CD300LF: variants seen among roughly 807,000 people sequenced by gnomAD.
The protein encoded by CD300LF is CMRF35-like molecule 1.
Under a neutral mutation model 32.2 loss-of-function variants are expected in CD300LF, and 27 were observed. The observed-to-expected ratio is 0.84, with a 90% CI of 0.62 to 1.15. The LOEUF (loss-of-function observed/expected upper bound fraction) is 1.15. Among genes scored for constraint, CD300LF ranks in the 50% most tolerant of loss-of-function variants. The pLI is 0.00. For synonymous variants in CD300LF, 139 were observed against 143.2 expected (o/e 0.97, Z 0.21); for missense variants, 348 against 356.8 (o/e 0.98, Z 0.20).
intron 4 of CD300LF, among the ~76,000 whole-genome samples, chr17:74,697,158 G>A (rs2032563584): frequency 6.6e-6 from 1 of 152,130 alleles, no homozygotes; most frequent in Non-Finnish European, 1.5e-5. Flanking sequence ...TGGCCAGGCT[G>A]GTCTCGAACT....
chr17:74,709,828 C>T (rs2033819425), intron 1 of CD300LF, among the ~76,000 whole-genome samples: 1 of 152,152 alleles, frequency 6.6e-6, no homozygotes, highest in Admixed American at 6.6e-5. Flanking sequence ...CTGCCTTAGC[C>T]TCACAAAGTG....
At chr17:74,705,741 C>T (rs2033452571) in intron 1 of CD300LF, among the ~76,000 whole-genome samples, 1 of 152,070 alleles carries the variant, frequency 6.6e-6, no homozygotes, top group African/African-American at 2.4e-5. Context: ...ACTACAGGCA[C>T]ATGCCTCCAC....
At chr17:74,708,787 G>A (rs931381130) in intron 1 of CD300LF, among the ~76,000 whole-genome samples, 12 of 151,938 alleles carry the variant, frequency 7.9e-5, no homozygotes, top group Admixed American at 3.3e-4. Flanking sequence ...GTGGTGGCGG[G>A]CGCCTGTAGT....
At chr17:74,706,107 A>C (rs2033484005) in intron 1 of CD300LF, among the ~76,000 whole-genome samples, 1 of 152,132 alleles carries the variant, frequency 6.6e-6, no homozygotes, top group Non-Finnish European at 1.5e-5. Flanking sequence ...AGAACAAAAC[A>C]GAGGAGGGAA....
At chr17:74,696,061 C>T in intron 5 of CD300LF, 134 bp downstream of exon 5, 10 of 1,313,154 alleles carry the variant, frequency 7.6e-6, no homozygotes, top group Non-Finnish European at 1.1e-5. Context: ...CCCCCAGGCC[C>T]TGCAGGGTGC....
chr17:74,708,460 G>A (rs1416143573), intron 1 of CD300LF, among the ~76,000 whole-genome samples: 4 of 152,124 alleles, frequency 2.6e-5, no homozygotes, highest in Admixed American at 2.6e-4. Flanking sequence ...CCTGACAAGG[G>A]CAAAGCAAGA....
In CD300LF at chr17:74,696,448, C is replaced by A. The variant is rs564071141; in HGVS notation, c.560-231G>T. 2.6e-5 allele frequency among the ~76,000 whole-genome samples: 4 copies of A among 152,336 alleles called. No individual in the cohort carries two copies. The South Asian group carries it at 6.2e-4, about 24-fold the overall frequency. On this transcript the variant is annotated intron_variant, in intron 4 of 6. Transcript: ENST00000326165. ...AGGAAAAGAGGGACACCCCAGCCCC[C>A]TGCTCCCCACATCATAGAACTGTGC...
Position 74,695,744 on chromosome 17 carries a change from T to C in CD300LF, c.698A>G (p.Glu233Gly), listed in dbSNP as rs1280679227. Residue 233 changes from glutamate (E) to glycine (G), a missense_variant, in exon 6 of 7, where the codon GAA becomes GGA. Glu to Gly is a moderately conservative substitution (Grantham distance 98). Coordinates refer to ENST00000326165, the MANE Select transcript of CD300LF (RefSeq NM_139018.5). ...ACGCACCATGGTGACATATTCCACTTCCACCTGGTCAACCTGGGCAGAGGA... is the reference window on the plus strand; with the variant it reads ...ACGCACCATGGTGACATATTCCACTCCCACCTGGTCAACCTGGGCAGAGGA... ...KLSSAQVDQV[E>G]VEYVTMASLP... 1 of 1,614,116 alleles carries C rather than the reference T, an allele frequency of 6.2e-7. No individual in the cohort carries two copies. The highest frequency in any genetic ancestry group is 1.3e-5 in the African/African-American group (1 of 75,038).
chr17:74,706,583 G>A (rs57312213), intron 1 of CD300LF, among the ~76,000 whole-genome samples: 276 of 152,194 alleles, frequency 1.8e-3, no homozygotes, highest in African/African-American at 6.0e-3. Flanking sequence ...CAAGAGAATC[G>A]CTTGAACCCG....
intron 1 of CD300LF, among the ~76,000 whole-genome samples, chr17:74,711,097 T>A (rs2033928619): frequency 6.6e-6 from 1 of 152,120 alleles, no homozygotes; most frequent in African/African-American, 2.4e-5. Context: ...GGGTATTTTT[T>A]TTCTTGGGTG....
At chr17:74,705,742 A>G (rs2033452788) in intron 1 of CD300LF, among the ~76,000 whole-genome samples, 1 of 152,054 alleles carries the variant, frequency 6.6e-6, no homozygotes, top group African/African-American at 2.4e-5. Flanking sequence ...CTACAGGCAC[A>G]TGCCTCCACG....
intron 4 of CD300LF, among the ~76,000 whole-genome samples, chr17:74,696,586 C>A (rs1035213188): frequency 6.6e-6 from 1 of 152,216 alleles, no homozygotes; most frequent in Admixed American, 6.5e-5. Context: ...CTGATTCATC[C>A]TTCAGGGGTC....
chr17:74,699,764 C>G (rs1375764737), intron 3 of CD300LF, among the ~76,000 whole-genome samples: 5 of 152,122 alleles, frequency 3.3e-5, no homozygotes, highest in Admixed American at 6.6e-5. Context: ...AGGACACTGA[C>G]AGGCCCTACT....
chr17:74,704,358 A>G (rs2033333337), intron 2 of CD300LF, 120 bp downstream of exon 2: 1 of 757,530 alleles, frequency 1.3e-6, no homozygotes, highest in East Asian at 2.6e-5. Context: ...TCAGGGTTCT[A>G]TGAGACTCGG....
intron 3 of CD300LF, 168 bp from the exon 4 acceptor site, chr17:74,698,649 AT>A: frequency 6.9e-7 from 1 of 1,459,014 alleles, no homozygotes; most frequent in African/African-American, 1.4e-5. Context: ...TGGGTTTACA[AT>A]GAGTACACAT....
intron 1 of CD300LF, among the ~76,000 whole-genome samples, chr17:74,708,559 G>A (rs897299423): frequency 1.3e-5 from 2 of 152,094 alleles, no homozygotes; most frequent in African/African-American, 4.8e-5. Context: ...TACATAAACA[G>A]GATAAAACAT....
At position 74,711,762 on chromosome 17, in the gene CD300LF, C is replaced by T. The variant is rs184480883; in HGVS notation, c.43+1062G>A. Among the ~76,000 whole-genome samples, 173 of 152,270 alleles carry T rather than the reference C, an allele frequency of 1.1e-3. 1 individual carries two copies. Among genetic ancestry groups the T allele is most frequent in the Admixed American group, 2.9e-3 (45 of 15,296 alleles). On this transcript the variant is annotated intron_variant, in intron 1 of 6. Coordinates refer to ENST00000326165, the MANE Select transcript of CD300LF (RefSeq NM_139018.5). ...GGGACCCTCTTCAGGGGGGTTGTTT[C>T]AGCCCACCTGACTTACAGCATCCCC...
At chr17:74,696,352 A>AT in intron 4 of CD300LF, 135 bp from the exon 5 acceptor site, 1 of 852,600 alleles carries the variant, frequency 1.2e-6, no homozygotes, top group East Asian at 2.8e-5. Context: ...CCTGGTTCTA[A>AT]TTCTGATTCC....
At position 74,704,780 on chromosome 17, in the gene CD300LF, G is replaced by A. The variant is rs201675456; in HGVS notation, c.80C>T (p.Thr27Ile). 27 of 1,613,818 alleles carry A rather than the reference G, an allele frequency of 1.7e-5. No homozygotes were observed. In the African/African-American group the frequency reaches 3.5e-4, roughly 21 times the overall value. ...GGAGCCCCGCTCCAAGCCATTCACT[G>A]TTGTTGGACCGGTGATTTGAGTGAC... is the stretch of plus-strand genomic sequence containing the variant. Reference protein sequence around the residue: ...SIVTQITGPTTVNGLERGSLT... With the variant: ...SIVTQITGPTIVNGLERGSLT... The change falls in exon 2 of 7, where the codon ACA becomes ATA. Residue 27 changes from threonine to isoleucine, a missense_variant. Coordinates refer to ENST00000326165, the MANE Select transcript of CD300LF (RefSeq NM_139018.5).
Sources: gnomAD v4.1 joint callset for allele counts (sites outside exome capture counted in the v4.1 genomes callset) on GRCh38, gnomAD v4.1.1 for gene constraint, MANE v1.5 for transcripts, NCBI Gene and HGNC (gene_info 2026-07-23, HGNC 2026-07-21) for gene names.